The following PRICKLE1 variants were observed in gnomAD, a reference collection of about 807,000 sequenced individuals.
The protein encoded by PRICKLE1 is prickle-like protein 1.
In PRICKLE1, 14 loss-of-function variants were observed where a neutral mutation model predicts 70.2. The observed-to-expected ratio is 0.20, with a 90% CI of 0.13 to 0.31. The LOEUF (loss-of-function observed/expected upper bound fraction) is 0.31, where lower values mean the gene tolerates loss of function less well. Ranked by LOEUF, PRICKLE1 falls within the 10% of genes least tolerant of loss-of-function variation. The pLI, the probability that PRICKLE1 is intolerant of heterozygous loss-of-function variation, is 1.00. For synonymous variants in PRICKLE1, 357 were observed against 379.9 expected (o/e 0.94, Z 0.70); for missense variants, 821 against 1,026.2 (o/e 0.80, Z 2.73).
Position 42,464,821 on chromosome 12 carries a change from G to T in PRICKLE1, c.1213C>A (p.Pro405Thr). ...TCTTCATGATCAGCCCATTCTTCAG[G>T]GTCTTCTGGAGTTTCCTGCTCTACT... ...GRVEQETPED[P>T]EEWADHEDYM... Residue 405 changes from proline to threonine, a missense_variant, in exon 7 of 8, where the codon CCT becomes ACT. Coordinates refer to ENST00000345127, the MANE Select transcript of PRICKLE1 (RefSeq NM_153026.3). This position sits in a 1 kb window ranked among gnomAD's most constrained non-coding sequence, Gnocchi z 4.2. 1 of 1,613,920 alleles carries T rather than the reference G, an allele frequency of 6.2e-7. No individual in the cohort carries two copies. Among genetic ancestry groups the T allele is most frequent in the Non-Finnish European group, 8.5e-7 (1 of 1,180,004 alleles).
intron 1 of PRICKLE1, among the ~76,000 whole-genome samples, chr12:42,533,967 T>C (rs1027966421): frequency 8.5e-5 from 13 of 152,164 alleles, no homozygotes; most frequent in African/African-American, 2.9e-4. Context: ...ATTCTGACAT[T>C]CCTCATTGTA....
At chr12:42,583,474 C>T (rs527967813) in intron 1 of PRICKLE1, among the ~76,000 whole-genome samples, 205 of 152,260 alleles carry the variant, frequency 1.3e-3, no homozygotes, top group Non-Finnish European at 2.2e-3. Context: ...GGCTATTCTT[C>T]GCAGTACAGT....
intron 1 of PRICKLE1, among the ~76,000 whole-genome samples, chr12:42,474,186 C>T (rs533513854): frequency 1.3e-5 from 2 of 152,250 alleles, no homozygotes; most frequent in Non-Finnish European, 2.9e-5. Flanking sequence ...GCAGGAGAAT[C>T]GCTTGAAACC....
chr12:42,494,991 C>A (rs1939169778), intron 1 of PRICKLE1, among the ~76,000 whole-genome samples: 1 of 150,518 alleles, frequency 6.6e-6, no homozygotes, highest in Non-Finnish European at 1.5e-5. Flanking sequence ...AACTCCTGGG[C>A]TCAAGCAATC....
At chr12:42,554,632 G>C (rs1310956452) in intron 1 of PRICKLE1, among the ~76,000 whole-genome samples, 1 of 152,136 alleles carries the variant, frequency 6.6e-6, no homozygotes. Flanking sequence ...CAAGAGGTGA[G>C]GCAAATTCTT....
At chr12:42,499,202 A>G (rs1426397670) in intron 1 of PRICKLE1, among the ~76,000 whole-genome samples, 1 of 152,132 alleles carries the variant, frequency 6.6e-6, no homozygotes, top group Non-Finnish European at 1.5e-5. Context: ...GGTGGATCTT[A>G]TTTTCCCATT....
At chr12:42,500,432 G>T (rs1010342987) in intron 1 of PRICKLE1, among the ~76,000 whole-genome samples, 1 of 152,154 alleles carries the variant, frequency 6.6e-6, no homozygotes, top group Non-Finnish European at 1.5e-5. Flanking sequence ...CAGCACTCTT[G>T]GATGAGTTCA....
chr12:42,586,967 A>G (rs1396050220), intron 1 of PRICKLE1, among the ~76,000 whole-genome samples: 2 of 152,240 alleles, frequency 1.3e-5, no homozygotes, highest in East Asian at 3.8e-4. Context: ...GAGTTCAGCT[A>G]TTAACCCTAT....
intron 1 of PRICKLE1, among the ~76,000 whole-genome samples, chr12:42,495,591 T>C (rs888302640): frequency 1.6e-5 from 2 of 125,406 alleles, no homozygotes; most frequent in African/African-American, 8.4e-5. Flanking sequence ...TTGAAGTTTC[T>C]TTTTTTTTTT....
intron 1 of PRICKLE1, among the ~76,000 whole-genome samples, chr12:42,538,956 T>C (rs1940060987): frequency 6.6e-6 from 1 of 152,204 alleles, no homozygotes; most frequent in Non-Finnish European, 1.5e-5. Flanking sequence ...CTATGCTAGC[T>C]CAACTTCAAG....
In PRICKLE1 at chr12:42,577,776, T is replaced by C. The variant is rs540887739; in HGVS notation, c.-49+11689A>G. On this transcript the variant is annotated intron_variant, in intron 1 of 7. Coordinates refer to ENST00000345127, the MANE Select transcript of PRICKLE1 (RefSeq NM_153026.3). The stretch of plus-strand genomic sequence containing the variant: ...AATAATTATGTAAAAGCATTTAATA[T>C]AGAACACACATAAGCACAGCAATAT... Among the ~76,000 whole-genome samples, 3 of 152,334 alleles carry C rather than the reference T, an allele frequency of 2.0e-5. No individual in the cohort carries two copies. The South Asian group carries it at 6.2e-4, about 32-fold the overall frequency.
intron 1 of PRICKLE1, among the ~76,000 whole-genome samples, chr12:42,537,868 C>T (rs988766741): frequency 7.9e-5 from 12 of 152,168 alleles, no homozygotes; most frequent in Non-Finnish European, 1.8e-4. Flanking sequence ...ACCAAACAAT[C>T]GTGTAACAGT....
chr12:42,467,891 A>G (rs1419166061), intron 5 of PRICKLE1, among the ~76,000 whole-genome samples: 2 of 152,276 alleles, frequency 1.3e-5, no homozygotes, highest in African/African-American at 4.8e-5. Flanking sequence ...TACAACGAGT[A>G]AATGCAATGA....
rs1174121071 is a variant in PRICKLE1 at position 42,458,170 on chromosome 12, T to C, written c.*1639A>G. On this transcript the variant is annotated 3_prime_UTR_variant, in exon 8 of 8. Transcript: ENST00000345127. ...GCCAAATTTTCCCCACTCCAGTCTA[T>C]ATGGAAAAAATAAGCCTCTGTGTCT... The C allele has an allele frequency of 6.6e-6, 1 of 152,150 alleles. No individual in the cohort carries two copies. Among genetic ancestry groups the C allele is most frequent in the Non-Finnish European group, 1.5e-5 (1 of 68,030 alleles). The allele number at this position is 152,150 out of a possible 1,614,324, so 9.4% of individuals were successfully genotyped here. A position where few individuals can be genotyped will look rare whatever the true frequency, so the allele number is the denominator to read the frequency against.
At chr12:42,477,114 T>G (rs1041270139) in intron 1 of PRICKLE1, among the ~76,000 whole-genome samples, 1 of 151,650 alleles carries the variant, frequency 6.6e-6, no homozygotes, top group African/African-American at 2.4e-5. Flanking sequence ...AGCTCACGCA[T>G]GTAATCCCAG....
intron 1 of PRICKLE1, among the ~76,000 whole-genome samples, chr12:42,478,535 CAAGCACAAG>C (rs1938663456): frequency 6.6e-6 from 1 of 152,128 alleles, no homozygotes; most frequent in Admixed American, 6.5e-5. Flanking sequence ...AGGGGGTGGT[CAAGCACAAG>C]GAACTGCTGT....
In PRICKLE1 at chr12:42,459,942, G is replaced by A. The variant is rs200984524; in HGVS notation, c.2363C>T (p.Pro788Leu). 16 of 1,614,124 alleles carry A rather than the reference G, an allele frequency of 9.9e-6. No individual in the cohort carries two copies. In the East Asian group the frequency reaches 2.2e-4, roughly 22 times the overall value. Residue 788 changes from proline (P) to leucine (L), a missense_variant, in exon 8 of 8, where the codon CCA becomes CTA. Transcript: ENST00000345127. Reference protein sequence around the residue: ...FLGQPIPQPRPQRFAYYTDDL... With the variant: ...FLGQPIPQPRLQRFAYYTDDL... ...ATCTGTATAGTAGGCAAATCTCTGT[G>A]GCCGGGGTTGAGGGATTGGTTGTCC...
chr12:42,529,030 T>G (rs1436203321), intron 1 of PRICKLE1, among the ~76,000 whole-genome samples: 1 of 152,244 alleles, frequency 6.6e-6, no homozygotes, highest in African/African-American at 2.4e-5. Flanking sequence ...TGTTTTTATT[T>G]TTTATTTTTT....
At position 42,523,374 on chromosome 12, in the gene PRICKLE1, C is replaced by G. The variant is rs73277820; in HGVS notation, c.-48-50810G>C. ...CAGCCAAGTTTACATAGGGGCAACTCTTGAATTCTGAACAAGACATAGGGA... is the reference window on the plus strand; with the variant it reads ...CAGCCAAGTTTACATAGGGGCAACTGTTGAATTCTGAACAAGACATAGGGA... On this transcript the variant is annotated intron_variant, in intron 1 of 7. Coordinates refer to ENST00000345127, the MANE Select transcript of PRICKLE1 (RefSeq NM_153026.3). Among the ~76,000 whole-genome samples, 1,165 of 152,310 alleles carry G rather than the reference C, an allele frequency of 7.6e-3. 17 individuals are homozygous for G. Among genetic ancestry groups the G allele is most frequent in the African/African-American group, 0.027 (1,129 of 41,572 alleles).
Sources: gnomAD v4.1 joint callset for allele counts (sites outside exome capture counted in the v4.1 genomes callset) on GRCh38, gnomAD v4.1.1 for gene constraint, Gnocchi (gnomAD v3.1) non-coding constraint, MANE v1.5 for transcripts, NCBI Gene and HGNC (gene_info 2026-07-23, HGNC 2026-07-21) for gene names.